The following TYMS variants were observed in gnomAD, a reference collection of about 807,000 sequenced individuals.
The protein encoded by TYMS is thymidylate synthase.
In TYMS, 21 loss-of-function variants were observed where a neutral mutation model predicts 39.3. That is an observed-to-expected ratio of 0.54 (90% CI 0.38 to 0.77). The LOEUF is 0.77. TYMS is among the 30% of genes least tolerant of loss of function. The pLI, the probability that TYMS is intolerant of heterozygous loss-of-function variation, is 0.00. For synonymous variants in TYMS, 171 were observed against 162.2 expected, an observed-to-expected ratio of 1.05 and a Z score of -0.41; for missense variants, 273 against 406.7, an observed-to-expected ratio of 0.67 and a Z score of 2.83.
Position 669,133 on chromosome 18 carries a change from T to C in TYMS, c.516T>C (p.Pro172=), listed in dbSNP as rs1297054326. The C allele has an allele frequency of 1.2e-6, 2 of 1,614,190 alleles. No homozygotes were observed. Among genetic ancestry groups the C allele is most frequent in the Admixed American group, 1.7e-5 (1 of 60,024 alleles). Residue 172 remains proline, a synonymous_variant, in exon 4 of 7, where the codon CCT becomes CCC. Coordinates refer to ENST00000323274, the MANE Select transcript of TYMS (RefSeq NM_001071.4). Reference sequence around the variant, plus strand: ...TGATTGACACCATCAAAACCAACCCTGACGACAGAAGAATCATCATGTGCG... The same window carrying C: ...TGATTGACACCATCAAAACCAACCCCGACGACAGAAGAATCATCATGTGCG... The part of the protein sequence containing the change: ...QRVIDTIKTN[P]DDRRIIMCAW...
At chr18:672,778 G>T (rs933563429) in intron 6 of TYMS, 82 bp from the exon 7 acceptor site, 23 of 1,433,468 alleles carry the variant, frequency 1.6e-5, no homozygotes, top group Admixed American at 9.7e-5. Context: ...ATCACATCCT[G>T]TGTACTTGTT....
intron 3 of TYMS, among the ~76,000 whole-genome samples, chr18:667,179 T>A (rs865918432): frequency 7.1e-4 from 46 of 64,746 alleles, no homozygotes; most frequent in East Asian, 1.6e-3. Flanking sequence ...ATGGTGATGG[T>A]GATGGTGATG....
At position 658,579 on chromosome 18, in the gene TYMS, A is replaced by G; in HGVS notation, c.205+632A>G. The G allele has an allele frequency of 4.3e-6, 1 of 231,686 alleles. No individual in the cohort carries two copies. The highest frequency in any genetic ancestry group is 8.4e-6 in the Non-Finnish European group (1 of 119,018). The allele number at this position is 231,686 out of a possible 1,614,324, so 14.4% of individuals were successfully genotyped here. The stretch of plus-strand genomic sequence containing the variant: ...CCTTTCCTCTTTCCTTTCCGACAGG[A>G]GCACCCCAGGCAAAAAATGTCTCGC... On this transcript the variant is annotated intron_variant, in intron 1 of 6. Transcript: ENST00000323274. This position sits in a 1 kb window ranked among gnomAD's most constrained non-coding sequence, Gnocchi z 4.5.
intron 3 of TYMS, among the ~76,000 whole-genome samples, 189 bp from the exon 4 acceptor site, chr18:668,883 A>G (rs2074918194): frequency 6.6e-6 from 1 of 152,158 alleles, no homozygotes; most frequent in Admixed American, 6.5e-5. Flanking sequence ...GGACAGAGCC[A>G]GGAGTCAGAC....
intron 6 of TYMS, chr18:672,389 A>T (rs1207043580): frequency 1.3e-5 from 2 of 153,832 alleles, no homozygotes; most frequent in African/African-American, 2.4e-5. Flanking sequence ...ATAGGTTGTG[A>T]CCTGTCTTCA....
chr18:671,133 A>T, intron 5 of TYMS: 1 of 612,732 alleles, frequency 1.6e-6, no homozygotes, highest in South Asian at 2.0e-5. Context: ...GAGGTTGGGT[A>T]TGGTGGCTCA....
At chr18:671,045 C>A in intron 5 of TYMS, 178 bp downstream of exon 5, 1 of 740,020 alleles carries the variant, frequency 1.4e-6, no homozygotes, top group Non-Finnish European at 2.2e-6. Context: ...GGTTTTCTGG[C>A]CCTGTGGTAT....
In TYMS at chr18:658,193, G is replaced by A. The variant is rs1245800968; in HGVS notation, c.205+246G>A. ...AGGTAAGCCGCGTCCCAGCGGCTCCGCGGCCGGGCTCGCAGTCGCCCCAGT... is the reference window on the plus strand; with the variant it reads ...AGGTAAGCCGCGTCCCAGCGGCTCCACGGCCGGGCTCGCAGTCGCCCCAGT... On this transcript the variant is annotated intron_variant, in intron 1 of 6. Coordinates refer to ENST00000323274, the MANE Select transcript of TYMS (RefSeq NM_001071.4). The surrounding 1 kb of genome is among the most constrained non-coding windows in gnomAD (Gnocchi z 4.5). 2 of 1,543,596 alleles carry A rather than the reference G, an allele frequency of 1.3e-6. No homozygotes were observed. The highest frequency in any genetic ancestry group is 1.9e-5 in the Admixed American group (1 of 53,038).
At position 663,154 on chromosome 18, in the gene TYMS, T is replaced by A. The variant is rs1312592814; in HGVS notation, c.454+834T>A. The stretch of plus-strand genomic sequence containing the variant: ...CCAACAGTATAAAAGTGTTCCTATT[T>A]CTCCACATCCTCTCCAGCACCTGTT... On this transcript the variant is annotated intron_variant, in intron 3 of 6. Transcript: ENST00000323274. Among the ~76,000 whole-genome samples, 4 of 95,390 alleles carry A rather than the reference T, an allele frequency of 4.2e-5. 1 individual carries two copies. The highest frequency in any genetic ancestry group is 8.8e-5 in the Admixed American group (1 of 11,380). The allele number at this position is 95,390 out of a possible 152,430, so 62.6% of individuals were successfully genotyped here. A position where few individuals can be genotyped will look rare whatever the true frequency, so the allele number is the denominator to read the frequency against.
At chr18:669,020 G>A (rs924765029) in intron 3 of TYMS, 52 bp from the exon 4 acceptor site, 2 of 1,486,554 alleles carry the variant, frequency 1.3e-6, no homozygotes, top group Non-Finnish European at 1.9e-6. Context: ...GCCATCTCAT[G>A]ACATGTGTGA....
At chr18:671,642 C>T (rs2075054881) in intron 6 of TYMS, 191 bp downstream of exon 6, 6 of 615,478 alleles carry the variant, frequency 9.7e-6, no homozygotes, top group Non-Finnish European at 1.7e-5. Flanking sequence ...ACCATGGGCA[C>T]TTAACATGTC....
intron 3 of TYMS, among the ~76,000 whole-genome samples, chr18:668,581 T>C (rs1011727267): frequency 3.3e-5 from 5 of 152,136 alleles, no homozygotes; most frequent in African/African-American, 9.7e-5. Flanking sequence ...GCTGAGGTGA[T>C]AGAAAGGAAT....
intron 3 of TYMS, among the ~76,000 whole-genome samples, chr18:667,003 GGT>G (rs1349463380): frequency 3.1e-4 from 2 of 6,478 alleles, no homozygotes; most frequent in Non-Finnish European, 7.5e-4. Context: ...TGATGGAGAT[GGT>G]GATGGTGATG....
At chr18:667,477 ATGGTGATGGT>A (rs2074874109) in intron 3 of TYMS, among the ~76,000 whole-genome samples, 1 of 24,062 alleles carries the variant, frequency 4.2e-5, no homozygotes, top group Non-Finnish European at 7.2e-5. Flanking sequence ...GGTGATGGTG[ATGGTGATGGT>A]GATGGTGATG....
rs1421715804 is a variant in TYMS at position 660,664 on chromosome 18, G to T, written c.279+950G>T. On this transcript the variant is annotated intron_variant, in intron 2 of 6. Coordinates refer to ENST00000323274, the MANE Select transcript of TYMS (RefSeq NM_001071.4). The surrounding 1 kb of genome is among the most constrained non-coding windows in gnomAD (Gnocchi z 4.6). ...AGGTGAACCCCTTCCAGAGGGCTGA[G>T]TAGGTACCTCAGGCCGGGGCCAGAG... 6.6e-6 allele frequency among the ~76,000 whole-genome samples: 1 copy of T among 152,226 alleles called. No homozygotes were observed. The highest frequency in any genetic ancestry group is 2.4e-5 in the African/African-American group (1 of 41,458).
chr18:659,940 G>A (rs1163810982), intron 2 of TYMS, among the ~76,000 whole-genome samples: 3 of 152,156 alleles, frequency 2.0e-5, no homozygotes, highest in African/African-American at 7.2e-5. Context: ...CAGGTGTGCT[G>A]GTGCATGTCT....
intron 3 of TYMS, among the ~76,000 whole-genome samples, chr18:664,475 T>G (rs1177510253): frequency 1.4e-5 from 2 of 142,130 alleles, no homozygotes; most frequent in African/African-American, 5.5e-5. Flanking sequence ...AGGGACAATT[T>G]GACTTCCTCT....
intron 3 of TYMS, among the ~76,000 whole-genome samples, chr18:664,138 C>T (rs1157901987): frequency 6.6e-6 from 1 of 151,602 alleles, no homozygotes; most frequent in Non-Finnish European, 1.5e-5. Flanking sequence ...ATTGATTCTT[C>T]CTACCCATGA....
Position 672,924 on chromosome 18 carries a change from A to C in TYMS, c.869A>C (p.Asp290Ala). ...CTTCGAAAAGTTGAGAAAATTGATG[A>C]CTTCAAAGCTGAAGACTTTCAGATT... ...RILRKVEKID[D>A]FKAEDFQIEG... Residue 290 changes from aspartate (D) to alanine (A), a missense_variant, in exon 7 of 7, where the codon GAC (aspartate) becomes GCC (alanine). Around this residue, in one of 3 missense-constraint regions of TYMS, gnomAD observed 35 missense variants for 42.4 expected, o/e 0.83. Transcript: ENST00000323274. The C allele has an allele frequency of 1.3e-6, 2 of 1,597,314 alleles. No homozygotes were observed. The highest frequency in any genetic ancestry group is 1.7e-6 in the Non-Finnish European group (2 of 1,166,984).
Sources: allele counts gnomAD v4.1 joint callset (sites outside exome capture counted in the v4.1 genomes callset), GRCh38; gene constraint gnomAD v4.1.1; regional missense constraint gnomAD v4.1.1; non-coding constraint Gnocchi (gnomAD v3.1); transcripts MANE v1.5; gene names NCBI Gene and HGNC (gene_info 2026-07-23, HGNC 2026-07-21).